TTC39B: variants seen among roughly 807,000 people sequenced by gnomAD.
The protein encoded by TTC39B is tetratricopeptide repeat protein 39B.
TTC39B carries 92 observed loss-of-function variants against 96.6 expected under a neutral mutation model. The ratio of observed to expected loss-of-function variants is 0.95; its 90% confidence interval spans 0.80 to 1.13. The LOEUF is 1.13. Ranked by LOEUF, TTC39B falls within the 50% of genes most tolerant of loss-of-function variation. TTC39B has a pLI of 0.00. For synonymous variants in TTC39B, 367 were observed against 299.4 expected (o/e 1.23, Z -2.33); for missense variants, 955 against 809.3 (o/e 1.18, Z -2.18).
At chr9:15,206,978 T>C (rs913651903) in intron 6 of TTC39B, among the ~76,000 whole-genome samples, 2 of 152,144 alleles carry the variant, frequency 1.3e-5, no homozygotes, top group African/African-American at 4.8e-5. Flanking sequence ...TGACAGTGAG[T>C]GAGTTCTCAC....
At chr9:15,281,869 G>T (rs1823777724) in intron 1 of TTC39B, among the ~76,000 whole-genome samples, 1 of 151,866 alleles carries the variant, frequency 6.6e-6, no homozygotes, top group African/African-American at 2.4e-5. Context: ...GTAGAGGTGG[G>T]GTTTCACTAT....
At chr9:15,246,916 G>A (rs1213728249) in intron 2 of TTC39B, among the ~76,000 whole-genome samples, 1 of 152,216 alleles carries the variant, frequency 6.6e-6, no homozygotes, top group African/African-American at 2.4e-5. Context: ...ATTGTTTTAA[G>A]TCTACTAAGC....
intron 2 of TTC39B, among the ~76,000 whole-genome samples, chr9:15,230,242 C>T (rs1322019169): frequency 6.6e-6 from 1 of 152,156 alleles, no homozygotes; most frequent in African/African-American, 2.4e-5. Context: ...TTTATTCAGA[C>T]CTAATTCACA....
intron 2 of TTC39B, among the ~76,000 whole-genome samples, chr9:15,257,798 G>A (rs542570698): frequency 6.0e-5 from 9 of 150,898 alleles, no homozygotes; most frequent in African/African-American, 2.2e-4. Context: ...GGTGGCTCAC[G>A]CCTGTAATCC....
intron 2 of TTC39B, among the ~76,000 whole-genome samples, chr9:15,229,768 C>T (rs16932848): frequency 0.094 from 14,378 of 152,184 alleles, 1,370 homozygotes; most frequent in East Asian, 0.59. Context: ...CTAGTCACAC[C>T]GTTTTTATTA....
chr9:15,288,479 G>A (rs1420034385), intron 1 of TTC39B, among the ~76,000 whole-genome samples: 3 of 152,116 alleles, frequency 2.0e-5, no homozygotes, highest in Non-Finnish European at 4.4e-5. Flanking sequence ...GGGATGGTTG[G>A]AGAGGAGATT....
intron 1 of TTC39B, among the ~76,000 whole-genome samples, chr9:15,271,687 C>T (rs569754455): frequency 1.3e-5 from 2 of 152,290 alleles, no homozygotes; most frequent in East Asian, 1.9e-4. Context: ...TACCAGTCCA[C>T]GGCTCAGGCA....
intron 2 of TTC39B, among the ~76,000 whole-genome samples, chr9:15,267,413 A>G (rs1014085728): frequency 4.6e-5 from 7 of 152,248 alleles, no homozygotes; most frequent in African/African-American, 1.7e-4. Flanking sequence ...AAATATAACA[A>G]AGCTATACAC....
chr9:15,188,916 G>C (rs1200813953), intron 13 of TTC39B, among the ~76,000 whole-genome samples: 2 of 151,972 alleles, frequency 1.3e-5, no homozygotes, highest in Non-Finnish European at 2.9e-5. Flanking sequence ...GTTTGTAGTG[G>C]CCAAATGTCT....
At chr9:15,247,781 T>C (rs1407625204) in intron 2 of TTC39B, among the ~76,000 whole-genome samples, 1 of 152,024 alleles carries the variant, frequency 6.6e-6, no homozygotes, top group Non-Finnish European at 1.5e-5. Context: ...ACTATGCATT[T>C]TCCTGTTTCA....
At chr9:15,198,461 A>AATATAT (rs61517681) in intron 8 of TTC39B, among the ~76,000 whole-genome samples, 2,598 of 117,276 alleles carry the variant, frequency 0.022, 39 homozygotes, top group Middle Eastern at 0.047. Context: ...CGGTCGCAAA[A>AATATAT]ATATATATAT....
chr9:15,245,279 G>C (rs1822224508), intron 2 of TTC39B, among the ~76,000 whole-genome samples: 1 of 152,124 alleles, frequency 6.6e-6, no homozygotes, highest in African/African-American at 2.4e-5. Flanking sequence ...CAAACAAGCA[G>C]CTTTCAGTAG....
intron 1 of TTC39B, 44 bp downstream of exon 1, chr9:15,307,040 C>A (rs1271074100): frequency 1.3e-6 from 2 of 1,597,370 alleles, no homozygotes; most frequent in East Asian, 4.5e-5. Flanking sequence ...GGACTCCTGT[C>A]CAGGGCTTCA....
chr9:15,276,857 C>T (rs1321762402), intron 1 of TTC39B, among the ~76,000 whole-genome samples: 4 of 152,180 alleles, frequency 2.6e-5, no homozygotes. Context: ...CGACTTAAAA[C>T]AGGCTCAATA....
intron 9 of TTC39B, among the ~76,000 whole-genome samples, chr9:15,191,732 G>A (rs912054809): frequency 2.0e-5 from 3 of 152,180 alleles, no homozygotes; most frequent in African/African-American, 4.8e-5. Flanking sequence ...CCTGGGCAGT[G>A]CACCTGGTTA....
At chr9:15,264,682 T>C (rs1034965830) in intron 2 of TTC39B, among the ~76,000 whole-genome samples, 3 of 148,672 alleles carry the variant, frequency 2.0e-5, no homozygotes, top group Non-Finnish European at 4.4e-5. Context: ...AGGGAAACTA[T>C]GTGAGATGAT....
intron 2 of TTC39B, among the ~76,000 whole-genome samples, chr9:15,266,480 T>C (rs2131547776): frequency 6.6e-6 from 1 of 152,302 alleles, no homozygotes; most frequent in South Asian, 2.1e-4. Context: ...TTTAAAATAA[T>C]TTTTAAAAAT....
intron 19 of TTC39B, among the ~76,000 whole-genome samples, 160 bp from the exon 20 acceptor site, chr9:15,172,269 T>C (rs186036947): frequency 1.3e-5 from 2 of 151,598 alleles, no homozygotes; most frequent in East Asian, 3.9e-4. Flanking sequence ...TGTTGGGGGG[T>C]TTTGGGGGGA....
At chr9:15,290,983 A>G (rs1318587858) in intron 1 of TTC39B, among the ~76,000 whole-genome samples, 2 of 152,198 alleles carry the variant, frequency 1.3e-5, no homozygotes, top group Non-Finnish European at 1.5e-5. Flanking sequence ...ACACCTTAAT[A>G]AAGCTGGGCG....
Sources: gnomAD v4.1 joint callset for allele counts (sites outside exome capture counted in the v4.1 genomes callset) on GRCh38, gnomAD v4.1.1 for gene constraint, MANE v1.5 for transcripts, NCBI Gene and HGNC (gene_info 2026-07-23, HGNC 2026-07-21) for gene names.